TNRC18: variants seen among roughly 807,000 people sequenced by gnomAD.
The protein encoded by TNRC18 is trinucleotide repeat containing 18.
TNRC18 carries 69 observed loss-of-function variants against 226.7 expected under a neutral mutation model. The ratio of observed to expected loss-of-function variants is 0.30; its 90% CI spans 0.25 to 0.37. TNRC18 has a LOEUF of 0.37. Ranked by LOEUF, TNRC18 falls within the 10% of genes least tolerant of loss-of-function variation. The probability of loss-of-function intolerance (pLI) is 1.00; values close to 1 mark genes in which losing one functional copy is unlikely to be tolerated. For synonymous variants in TNRC18, 2,449 were observed against 1,927.6 expected (o/e 1.27, Z -7.09); for missense variants, 4,754 against 4,256.6 (o/e 1.12, Z -3.25).
chr7:5,405,061 G>A (rs1781373549), intron 2 of TNRC18, among the ~76,000 whole-genome samples: 1 of 152,004 alleles, frequency 6.6e-6, no homozygotes, highest in Non-Finnish European at 1.5e-5. Context: ...AGGTTGCACT[G>A]AGCCGAGATT....
Position 5,321,147 on chromosome 7 carries a change from G to T in TNRC18, c.6486C>A (p.Gly2162=). Residue 2162 remains glycine, a synonymous_variant, in exon 22 of 30, where the codon GGC becomes GGA. Coordinates refer to ENST00000430969, the MANE Select transcript of TNRC18 (RefSeq NM_001080495.3). ...CATCCATGGGGATGAGCACACGCAG[G>T]CCGTCCTTCAGCTCATCCTTGTCGA... ...CIIDKDELKD[G]LRVLIPMDDK... 1 of 1,554,260 alleles carries T rather than the reference G, an allele frequency of 6.4e-7. No homozygotes were observed. Among genetic ancestry groups the T allele is most frequent in the South Asian group, 1.2e-5 (1 of 84,206 alleles).
chr7:5,402,177 T>TAAAAA (rs1233214091), intron 2 of TNRC18, among the ~76,000 whole-genome samples: 1 of 58,458 alleles, frequency 1.7e-5, no homozygotes, highest in African/African-American at 1.5e-4. Flanking sequence ...AGACTCTGTC[T>TAAAAA]CAAAAAAAAA....
At chr7:5,376,718 C>G in intron 8 of TNRC18, 129 bp downstream of exon 8, 1 of 1,140,318 alleles carries the variant, frequency 8.8e-7, no homozygotes, top group South Asian at 1.5e-5. Flanking sequence ...TCTCTCTGAA[C>G]CCCGGTCCGC....
In TNRC18 at chr7:5,332,755, T is replaced by C; in HGVS notation, c.6014A>G (p.His2005Arg). ...TRRRSERIFL[H>R]DASAAAPAPV... Reference sequence around the variant, plus strand: ...CGCAGGTGCAGCAGCCGAGGCGTCGTGCAGGAAGATGCGCTCGCTGCGGCG... The same window carrying C: ...CGCAGGTGCAGCAGCCGAGGCGTCGCGCAGGAAGATGCGCTCGCTGCGGCG... The change falls in exon 19 of 30, where the codon CAC becomes CGC. Residue 2005 changes from histidine (H) to arginine (R), a missense_variant. By Grantham distance (29) the His-to-Arg change is conservative. Transcript: ENST00000430969. 6.6e-7 allele frequency: 1 copy of C among 1,519,890 alleles called. No individual in the cohort carries two copies. The allele number at this position is 1,519,890 out of a possible 1,614,324, so 94.2% of individuals were successfully genotyped here. A position where few individuals can be genotyped will look rare whatever the true frequency, so the allele number is the denominator to read the frequency against.
chr7:5,375,839 C>T (rs746768010), intron 9 of TNRC18, among the ~76,000 whole-genome samples, 195 bp downstream of exon 9: 2 of 152,214 alleles, frequency 1.3e-5, no homozygotes, highest in Non-Finnish European at 2.9e-5. Context: ...GCTCCCTCCG[C>T]CTGGAGAACT....
chr7:5,351,906 T>A lies in TNRC18; in HGVS notation c.5383A>T (p.Ser1795Cys). ...PRTLKPKPAT[S>C]RKQPFCLLLR... is the part of the protein sequence containing the mutation. ...AGCAGACAAAACGGCTGCTTCCTGC[T>A]GGTGGCCGGCTTGGGTTTCAGAGTC... Residue 1795 changes from serine (S) to cysteine (C), a missense_variant, in exon 17 of 30, where the codon AGC (serine) becomes TGC (cysteine). Ser to Cys is a moderately radical substitution (Grantham distance 112). Coordinates refer to ENST00000430969, the MANE Select transcript of TNRC18 (RefSeq NM_001080495.3). 1 of 1,613,728 alleles carries A rather than the reference T, an allele frequency of 6.2e-7. No individual in the cohort carries two copies. Among genetic ancestry groups the A allele is most frequent in the Non-Finnish European group, 8.5e-7 (1 of 1,179,806 alleles).
intron 12 of TNRC18, 37 bp downstream of exon 12, chr7:5,362,613 C>A: frequency 6.7e-7 from 1 of 1,499,256 alleles, no homozygotes. Flanking sequence ...CCCAGCCTCC[C>A]CCGCGGACCC....
chr7:5,389,471 T>TTGTTTTTTTTTTTTC (rs549108764), intron 4 of TNRC18, 135 bp from the exon 5 acceptor site: 1 of 831,196 alleles, frequency 1.2e-6, no homozygotes, highest in African/African-American at 2.0e-5. Flanking sequence ...GTTTTTTTTT[T>TTGTTTTTTTTTTTTC]CAGAAAGAGT....
intron 5 of TNRC18, among the ~76,000 whole-genome samples, chr7:5,385,361 G>GCCT (rs1270579596): frequency 2.0e-5 from 3 of 152,000 alleles, no homozygotes; most frequent in African/African-American, 7.2e-5. Context: ...GGTGGCGGGC[G>GCCT]CCTGTAGTCC....
intron 2 of TNRC18, among the ~76,000 whole-genome samples, chr7:5,414,275 G>A (rs1382314937): frequency 2.6e-5 from 4 of 151,460 alleles, no homozygotes; most frequent in Non-Finnish European, 5.9e-5. Context: ...GATACTTGAT[G>A]TACCATCGTC....
At position 5,388,263 on chromosome 7, in the gene TNRC18, T is replaced by G; in HGVS notation, c.1561A>C (p.Thr521Pro). 1.3e-6 allele frequency: 2 copies of G among 1,540,844 alleles called. No homozygotes were observed. The highest frequency in any genetic ancestry group is 8.8e-7 in the Non-Finnish European group (1 of 1,135,700). ...TGCGCGGCCAGCACGGCCATCTGCGTGGCGGCGAAGTTGCCCAGCTCGAAG... is the reference window on the plus strand; with the variant it reads ...TGCGCGGCCAGCACGGCCATCTGCGGGGCGGCGAAGTTGCCCAGCTCGAAG... ...KPFELGNFAA[T>P]QMAVLAAQHH... The change falls in exon 5 of 30, where the codon ACG becomes CCG. Residue 521 changes from threonine to proline, a missense_variant. Physicochemically the swap from Thr to Pro is conservative, Grantham distance 38 (BLOSUM62 -1). Transcript: ENST00000430969.
At position 5,362,975 on chromosome 7, in the gene TNRC18, G is replaced by A. The variant is rs4357206; in HGVS notation, c.4220-150C>T. ...TAGACAGAGGCCTTTGTGACATGCC[G>A]GAAGTCCTGAGCATCTCTAAACAAG... is the stretch of plus-strand genomic sequence containing the variant. On this transcript the variant is annotated intron_variant, in intron 11 of 29. Coordinates refer to ENST00000430969, the MANE Select transcript of TNRC18 (RefSeq NM_001080495.3). 267,365 of 731,256 alleles carry A rather than the reference G, an allele frequency of 0.37. 51,778 individuals carry two copies. Among genetic ancestry groups the A allele is most frequent in the South Asian group, 0.38 (16,483 of 43,190 alleles). 45.3% of individuals were successfully genotyped at this position (731,256 alleles called of 1,614,324 possible).
At chr7:5,316,102 C>A in intron 24 of TNRC18, 30 bp from the exon 25 acceptor site, 1 of 1,558,614 alleles carries the variant, frequency 6.4e-7, no homozygotes, top group Non-Finnish European at 8.8e-7. Context: ...TCAGGGGAGG[C>A]CCTCGGACCT....
chr7:5,348,796 G>A (rs981627084), intron 17 of TNRC18, among the ~76,000 whole-genome samples: 6 of 152,144 alleles, frequency 3.9e-5, no homozygotes, highest in African/African-American at 1.4e-4. Context: ...GGCAGGCAGT[G>A]CACACTTGCG....
intron 26 of TNRC18, among the ~76,000 whole-genome samples, chr7:5,314,096 G>A (rs970550032): frequency 1.3e-5 from 2 of 151,948 alleles, no homozygotes; most frequent in African/African-American, 4.8e-5. Flanking sequence ...GTAACCTGAG[G>A]CCACAAGCAT....
At chr7:5,416,394 G>A (rs540665963) in intron 2 of TNRC18, among the ~76,000 whole-genome samples, 2 of 152,196 alleles carry the variant, frequency 1.3e-5, no homozygotes, top group South Asian at 2.1e-4. Flanking sequence ...CAGCCTGGGC[G>A]ACAGAGCGAG....
intron 11 of TNRC18, among the ~76,000 whole-genome samples, chr7:5,366,531 CCAGGCTGGTCT>C (rs1793643423): frequency 6.6e-6 from 1 of 152,056 alleles, no homozygotes; most frequent in South Asian, 2.1e-4. Flanking sequence ...CCCATGTTGG[CCAGGCTGGTCT>C]CAAATTCCTG....
Position 5,388,806 on chromosome 7 carries a change from C to G in TNRC18, c.1018G>C (p.Ala340Pro). Reference sequence around the variant, plus strand: ...GGTGCAGGAGGCCCCTTGGGGGGCGCGGGCGGCGGGGGCAGCGGTGAGGGG... The same window carrying G: ...GGTGCAGGAGGCCCCTTGGGGGGCGGGGGCGGCGGGGGCAGCGGTGAGGGG... Reference protein sequence around the residue: ...PCPSPLPPPPAPPKGPPAPPA... With the variant: ...PCPSPLPPPPPPPKGPPAPPA... Residue 340 changes from alanine to proline, a missense_variant, in exon 5 of 30, where the codon GCG (alanine) becomes CCG (proline). By Grantham distance (27) the Ala-to-Pro change is conservative (BLOSUM62 -1). Coordinates refer to ENST00000430969, the MANE Select transcript of TNRC18 (RefSeq NM_001080495.3). 2 of 1,164,460 alleles carry G rather than the reference C, an allele frequency of 1.7e-6. No homozygotes were observed. Among genetic ancestry groups the G allele is most frequent in the Non-Finnish European group, 2.1e-6 (2 of 944,878 alleles). The allele number at this position is 1,164,460 out of a possible 1,614,324, so 72.1% of individuals were successfully genotyped here. A position where few individuals can be genotyped will look rare whatever the true frequency, so the allele number is the denominator to read the frequency against.
chr7:5,370,840 C>G lies in TNRC18; in HGVS notation c.3754G>C (p.Glu1252Gln), dbSNP rs756617777. ...TCCTCCTTGGCCTCCACCAGTGTCT[C>G]GGGTGTCAGCTGCACCCCCAGGTCC... ...ALDLGVQLTP[E>Q]TLVEAKEEPV... The change falls in exon 11 of 30, where the codon GAG becomes CAG. Residue 1252 changes from glutamate (E) to glutamine (Q), a missense_variant. Glu to Gln is a conservative substitution (Grantham distance 29). Transcript: ENST00000430969. 6.8e-6 allele frequency: 11 copies of G among 1,609,136 alleles called. No individual in the cohort carries two copies. The highest frequency in any genetic ancestry group is 2.7e-5 in the African/African-American group (2 of 75,048).
Sources: gnomAD v4.1 joint callset for allele counts (sites outside exome capture counted in the v4.1 genomes callset) on GRCh38, gnomAD v4.1.1 for gene constraint, MANE v1.5 for transcripts, NCBI Gene and HGNC (gene_info 2026-07-23, HGNC 2026-07-21) for gene names.